Variants in FAM227B observed in about 807,000 individuals in gnomAD.
FAM227B encodes the protein family with sequence similarity 227 member B, also known as protein FAM227B.
FAM227B carries 88 observed loss-of-function variants against 73.8 expected under a neutral mutation model. The observed-to-expected ratio is 1.19, with a 90% CI of 1.00 to 1.42. FAM227B has a LOEUF of 1.42. Among genes scored for constraint, FAM227B ranks in the 40% most tolerant of loss-of-function variants. The pLI, the probability that FAM227B is intolerant of heterozygous loss-of-function variation, is 0.00. For synonymous variants in FAM227B, 210 were observed against 190.5 expected (o/e 1.10, Z -0.84); for missense variants, 632 against 590.9 (o/e 1.07, Z -0.72).
At chr15:49,361,238 G>A (rs1596531894) in intron 13 of FAM227B, among the ~76,000 whole-genome samples, 1 of 151,970 alleles carries the variant, frequency 6.6e-6, no homozygotes, top group African/African-American at 2.4e-5. Flanking sequence ...TACCTATGAT[G>A]CAAATTTTTT....
intron 11 of FAM227B, among the ~76,000 whole-genome samples, chr15:49,441,900 G>A (rs1327707254): frequency 2.0e-5 from 3 of 150,574 alleles, no homozygotes; most frequent in South Asian, 2.1e-4. Context: ...TTGTACTTAT[G>A]CATTTATTTT....
At position 49,607,607 on chromosome 15, in the gene FAM227B, T is replaced by G. The variant is rs542110716; in HGVS notation, c.105+3608A>C. On this transcript the variant is annotated intron_variant, in intron 3 of 15. Coordinates refer to ENST00000299338, the MANE Select transcript of FAM227B (RefSeq NM_152647.3). ...AATGTCTTTATGTCAGTTCTTTATGTCAGACTTGTTATATCACAATCCTTT... is the reference window on the plus strand; with the variant it reads ...AATGTCTTTATGTCAGTTCTTTATGGCAGACTTGTTATATCACAATCCTTT... 2.6e-5 allele frequency among the ~76,000 whole-genome samples: 4 copies of G among 152,330 alleles called. No individual in the cohort carries two copies. In the East Asian group the frequency reaches 5.8e-4, roughly 22 times the overall value.
At chr15:49,493,421 C>T (rs983610915) in intron 11 of FAM227B, among the ~76,000 whole-genome samples, 7 of 151,908 alleles carry the variant, frequency 4.6e-5, no homozygotes, top group Admixed American at 6.6e-5. Context: ...ATTTTGTACA[C>T]GCACCATACT....
intron 10 of FAM227B, among the ~76,000 whole-genome samples, chr15:49,528,409 A>G (rs2060365522): frequency 1.3e-5 from 2 of 151,818 alleles, no homozygotes; most frequent in South Asian, 4.1e-4. Context: ...AGAAAAAAAA[A>G]CTAGGAAGAA....
At chr15:49,615,515 A>C (rs186245670) in intron 1 of FAM227B, among the ~76,000 whole-genome samples, 1 of 152,094 alleles carries the variant, frequency 6.6e-6, no homozygotes, top group East Asian at 1.9e-4. Flanking sequence ...CTGGTTGTTT[A>C]AAAGTGTGTA....
At chr15:49,561,696 C>G (rs1456952362) in intron 9 of FAM227B, among the ~76,000 whole-genome samples, 1 of 152,130 alleles carries the variant, frequency 6.6e-6, no homozygotes, top group Non-Finnish European at 1.5e-5. Context: ...TCAAGAAGAT[C>G]TCTCAAAACC....
chr15:49,559,908 C>T (rs941474308), intron 9 of FAM227B, among the ~76,000 whole-genome samples: 1 of 151,868 alleles, frequency 6.6e-6, no homozygotes, highest in African/African-American at 2.4e-5. Flanking sequence ...TGCACTCCAG[C>T]CTGGGTGACA....
chr15:49,571,426 G>A (rs1009263459), intron 8 of FAM227B, among the ~76,000 whole-genome samples: 5 of 151,718 alleles, frequency 3.3e-5, no homozygotes, highest in South Asian at 2.1e-4. Flanking sequence ...AAAAATCACC[G>A]TACAAACCAA....
intron 11 of FAM227B, among the ~76,000 whole-genome samples, chr15:49,388,666 A>G (rs2047025312): frequency 6.6e-6 from 1 of 152,088 alleles, no homozygotes; most frequent in Admixed American, 6.6e-5. Flanking sequence ...CCTTCTGCAC[A>G]ACAAAAGAAA....
At chr15:49,490,580 C>T (rs2057001306) in intron 11 of FAM227B, among the ~76,000 whole-genome samples, 1 of 151,916 alleles carries the variant, frequency 6.6e-6, no homozygotes, top group African/African-American at 2.4e-5. Context: ...TGGCAGATGT[C>T]ACTGAATTCT....
intron 8 of FAM227B, among the ~76,000 whole-genome samples, chr15:49,573,277 C>G (rs2096116528): frequency 6.6e-6 from 1 of 152,030 alleles, no homozygotes; most frequent in African/African-American, 2.4e-5. Flanking sequence ...CCATGTTGAT[C>G]TGAAAACACT....
intron 11 of FAM227B, among the ~76,000 whole-genome samples, chr15:49,501,135 C>T (rs1597651689): frequency 1.3e-5 from 2 of 152,000 alleles, no homozygotes; most frequent in Admixed American, 6.6e-5. Flanking sequence ...AAGTTGGTAC[C>T]AGGAGTAGGG....
At chr15:49,561,878 C>T (rs941226837) in intron 9 of FAM227B, among the ~76,000 whole-genome samples, 1 of 152,034 alleles carries the variant, frequency 6.6e-6, no homozygotes, top group Non-Finnish European at 1.5e-5. Context: ...TAGCACTAAA[C>T]ACCTACATAG....
At chr15:49,609,167 T>C (rs746570998) in intron 3 of FAM227B, among the ~76,000 whole-genome samples, 1 of 151,516 alleles carries the variant, frequency 6.6e-6, no homozygotes, top group African/African-American at 2.4e-5. Flanking sequence ...AAAAAGAAGA[T>C]GTTATAAAAA....
chr15:49,337,508 CTTTTT>C (rs33973907), intron 13 of FAM227B, among the ~76,000 whole-genome samples: 4 of 36,080 alleles, frequency 1.1e-4, no homozygotes, highest in African/African-American at 3.7e-4. Flanking sequence ...CATTTACCCA[CTTTTT>C]TTTTTTTTTT....
intron 2 of FAM227B, among the ~76,000 whole-genome samples, chr15:49,612,693 G>T: frequency 1.3e-5 from 2 of 152,076 alleles, no homozygotes; most frequent in African/African-American, 4.8e-5. Context: ...TGATATCACT[G>T]AAAAGATTGT....
chr15:49,494,259 A>G (rs2057393582), intron 11 of FAM227B, among the ~76,000 whole-genome samples: 1 of 42,876 alleles, frequency 2.3e-5, no homozygotes, highest in African/African-American at 3.7e-5. Context: ...ACACACAAAC[A>G]CACACACACA....
At chr15:49,343,402 C>G (rs143618957) in intron 13 of FAM227B, among the ~76,000 whole-genome samples, 1 of 152,066 alleles carries the variant, frequency 6.6e-6, no homozygotes, top group African/African-American at 2.4e-5. Context: ...ATGTGTATCT[C>G]TTACTTCATT....
At chr15:49,452,777 T>G (rs2052886245) in intron 11 of FAM227B, among the ~76,000 whole-genome samples, 1 of 152,182 alleles carries the variant, frequency 6.6e-6, no homozygotes, top group South Asian at 2.1e-4. Context: ...ATTAAAATAA[T>G]GAATACTGTA....
Sources: gnomAD v4.1 joint callset for allele counts (sites outside exome capture counted in the v4.1 genomes callset) on GRCh38, gnomAD v4.1.1 for gene constraint, MANE v1.5 for transcripts, NCBI Gene and HGNC (gene_info 2026-07-23, HGNC 2026-07-21) for gene names.